PCDH7: variants seen among roughly 807,000 people sequenced by gnomAD.
The protein encoded by PCDH7 is protocadherin-7.
A neutral mutation model predicts 58.9 loss-of-function variants in PCDH7; 17 were observed. That is an observed-to-expected ratio of 0.29 (90% confidence interval 0.20 to 0.43). The LOEUF (loss-of-function observed/expected upper bound fraction) is 0.43, where lower values mean the gene tolerates loss of function less well. Ranked by LOEUF, PCDH7 falls within the 20% of genes least tolerant of loss-of-function variation. The pLI, the probability that PCDH7 is intolerant of heterozygous loss-of-function variation, is 1.00. For missense variants in PCDH7, 1,274 were observed against 1,441.0 expected (o/e 0.88, Z 1.88); for synonymous variants, 664 against 616.4 (o/e 1.08, Z -1.14).
At position 30,723,219 on chromosome 4, in the gene PCDH7, C is replaced by T. The variant is rs1334883335; in HGVS notation, c.1797C>T (p.Arg599=). 4 of 1,614,044 alleles carry T rather than the reference C, an allele frequency of 2.5e-6. No homozygotes were observed. Among genetic ancestry groups the T allele is most frequent in the South Asian group, 1.1e-5 (1 of 91,082 alleles). ...TCCTGGTCAATACCGTGCTGGACCG[C>T]GAGCAGACTGACAGGTATGAGTTTA... Residue 599 remains arginine (R), a synonymous_variant, in exon 1 of 2, where the codon CGC becomes CGT. Coordinates refer to ENST00000361762, the Ensembl canonical transcript of PCDH7. The surrounding 1 kb of genome is among the most constrained non-coding windows in gnomAD (Gnocchi z 4.6).
intron 1 of PCDH7, among the ~76,000 whole-genome samples, chr4:30,795,942 C>T (rs777395273): frequency 1.4e-4 from 21 of 151,846 alleles, no homozygotes; most frequent in Admixed American, 3.9e-4. Flanking sequence ...AAACAAACAC[C>T]GAAAAAATAT....
chr4:30,982,746 A>C (rs1750674320), intron 3 of PCDH7, among the ~76,000 whole-genome samples: 1 of 151,992 alleles, frequency 6.6e-6, no homozygotes, highest in Admixed American at 6.6e-5. Flanking sequence ...CACATTTAAC[A>C]GTAACTGCAT....
chr4:30,926,817 G>A (rs574928561), intron 2 of PCDH7, among the ~76,000 whole-genome samples: 2 of 152,052 alleles, frequency 1.3e-5, no homozygotes, highest in Non-Finnish European at 2.9e-5. Flanking sequence ...AAGTGTTCTA[G>A]TTGAATGCAT....
intron 2 of PCDH7, among the ~76,000 whole-genome samples, chr4:30,934,490 T>C (rs370252732): frequency 6.2e-4 from 95 of 152,296 alleles, no homozygotes; most frequent in African/African-American, 2.2e-3. Context: ...CATTTCATTT[T>C]TGAAGGAGAA....
intron 3 of PCDH7, among the ~76,000 whole-genome samples, chr4:31,035,415 G>A (rs1482895669): frequency 3.3e-5 from 5 of 151,908 alleles, no homozygotes; most frequent in Admixed American, 1.3e-4. Context: ...CACCACGCCC[G>A]GCTAATTTTT....
chr4:30,780,327 G>A (rs367668829), intron 1 of PCDH7, among the ~76,000 whole-genome samples: 13 of 151,964 alleles, frequency 8.6e-5, no homozygotes, highest in African/African-American at 2.7e-4. Flanking sequence ...TCAACATGGA[G>A]AAACCCCCAT....
At chr4:30,931,561 C>T (rs759290243) in intron 2 of PCDH7, among the ~76,000 whole-genome samples, 6 of 151,460 alleles carry the variant, frequency 4.0e-5, no homozygotes, top group African/African-American at 7.3e-5. Context: ...GCAACGAGAG[C>T]GAAACTCCAT....
chr4:30,909,030 G>A (rs978056515), intron 1 of PCDH7, among the ~76,000 whole-genome samples: 7 of 152,180 alleles, frequency 4.6e-5, no homozygotes, highest in South Asian at 2.1e-4. Flanking sequence ...TTCAACATAT[G>A]CAAATCAATA....
At chr4:31,078,484 CTT>C (rs999880241) in intron 3 of PCDH7, among the ~76,000 whole-genome samples, 21 of 142,792 alleles carry the variant, frequency 1.5e-4, no homozygotes, top group Non-Finnish European at 2.5e-4. Flanking sequence ...TTTCTTTTTT[CTT>C]TTTTTTTTTT....
intron 3 of PCDH7, among the ~76,000 whole-genome samples, chr4:31,134,364 G>A (rs1002757615): frequency 6.6e-6 from 1 of 152,128 alleles, no homozygotes; most frequent in African/African-American, 2.4e-5. Flanking sequence ...GGAGGCTGAG[G>A]CAGGAGAACT....
chr4:30,750,922 A>G (rs1238364182), intron 1 of PCDH7, among the ~76,000 whole-genome samples: 1 of 152,140 alleles, frequency 6.6e-6, no homozygotes, highest in Non-Finnish European at 1.5e-5. Flanking sequence ...CTTGCAGAAT[A>G]GGTGATATTT....
At chr4:31,047,985 A>C (rs2109215326) in intron 3 of PCDH7, among the ~76,000 whole-genome samples, 1 of 152,078 alleles carries the variant, frequency 6.6e-6, no homozygotes, top group Non-Finnish European at 1.5e-5. Flanking sequence ...AACCATAATA[A>C]ATTTTACCTT....
At position 30,923,281 on chromosome 4, in the gene PCDH7, C is replaced by T. The variant is rs528506191; in HGVS notation, c.287+2912C>T. 1.3e-3 allele frequency among the ~76,000 whole-genome samples: 198 copies of T among 152,194 alleles called. 1 individual carries two copies. The highest frequency in any genetic ancestry group is 7.3e-3 in the South Asian group (35 of 4,816). On this transcript the variant is annotated intron_variant, in intron 2 of 3. Coordinates refer to the PCDH7 transcript ENST00000509759. The stretch of plus-strand genomic sequence containing the variant: ...GCAATAACAAGTAAAATTCCAATGT[C>T]ATGCTAACAAACCAGGAATAAGTTA...
In PCDH7 at chr4:31,003,899, T is replaced by C. The variant is rs116881102; in HGVS notation, c.*7+53684T>C. ...ATTTTCTGATTAGGGACTCAATCTG[T>C]ACCAGTTTCTTCATTTTAACTAACA... On this transcript the variant is annotated intron_variant, in intron 3 of 3. Transcript: ENST00000509759. 3.3e-5 allele frequency among the ~76,000 whole-genome samples: 5 copies of C among 152,332 alleles called. No individual in the cohort carries two copies. In the East Asian group the frequency reaches 9.7e-4, roughly 29 times the overall value.
chr4:30,955,796 G>A (rs991074612), intron 3 of PCDH7, among the ~76,000 whole-genome samples: 5 of 151,762 alleles, frequency 3.3e-5, no homozygotes, highest in South Asian at 2.1e-4. Context: ...TGATCGTCCC[G>A]CCCCGGCCTC....
intron 3 of PCDH7, among the ~76,000 whole-genome samples, chr4:31,056,272 G>T (rs1757154698): frequency 6.6e-6 from 1 of 151,720 alleles, no homozygotes; most frequent in Non-Finnish European, 1.5e-5. Context: ...GGATGCTGAG[G>T]ATGTAGGATC....
At chr4:30,998,192 G>A (rs1205112543) in intron 3 of PCDH7, among the ~76,000 whole-genome samples, 1 of 152,124 alleles carries the variant, frequency 6.6e-6, no homozygotes, top group Non-Finnish European at 1.5e-5. Flanking sequence ...CTAAGATGAA[G>A]GTGAAACTTT....
intron 1 of PCDH7, among the ~76,000 whole-genome samples, chr4:30,814,534 C>CT (rs1166483252): frequency 2.0e-5 from 3 of 151,560 alleles, no homozygotes; most frequent in Non-Finnish European, 4.4e-5. Flanking sequence ...ATATTTTTAC[C>CT]TTTTTCTGGC....
In PCDH7 at chr4:30,961,035, A is replaced by G. The variant is rs991202282; in HGVS notation, c.*7+10820A>G. Among the ~76,000 whole-genome samples, 8 of 152,314 alleles carry G rather than the reference A, an allele frequency of 5.3e-5. No homozygotes were observed. The East Asian group carries it at 1.2e-3, about 22-fold the overall frequency. On this transcript the variant is annotated intron_variant, in intron 3 of 3. Coordinates refer to the PCDH7 transcript ENST00000509759. ...AAGACGTTGTTGTTATTTGACCTCA[A>G]AATGAAGATATGTGGATTTATAGAT...
Sources: allele counts gnomAD v4.1 joint callset (sites outside exome capture counted in the v4.1 genomes callset), GRCh38; gene constraint gnomAD v4.1.1; non-coding constraint Gnocchi (gnomAD v3.1); transcripts MANE v1.5; gene names NCBI Gene and HGNC (gene_info 2026-07-23, HGNC 2026-07-21).